DCTN6: variants seen among roughly 807,000 people sequenced by gnomAD.
DCTN6 encodes the protein dynactin subunit 6.
A neutral mutation model predicts 25.8 loss-of-function variants in DCTN6; 15 were observed. The observed-to-expected ratio is 0.58, with a 90% CI of 0.39 to 0.89. DCTN6 has a LOEUF of 0.89. Among genes scored for constraint, DCTN6 ranks in the 40% least tolerant of loss-of-function variants. The probability of loss-of-function intolerance (pLI) is 0.00; values close to 1 mark genes in which losing one functional copy is unlikely to be tolerated. For synonymous variants in DCTN6, 64 were observed against 78.3 expected (o/e 0.82, Z 0.96); for missense variants, 198 against 237.6 (o/e 0.83, Z 1.09).
chr8:30,171,335 G>A (rs372894014), intron 2 of DCTN6, among the ~76,000 whole-genome samples: 60 of 151,640 alleles, frequency 4.0e-4, no homozygotes, highest in African/African-American at 1.4e-3. Context: ...CTGTAGCCTC[G>A]AACCCCTGGA....
At chr8:30,174,963 G>A (rs1192216816) in intron 2 of DCTN6, 122 bp from the exon 3 acceptor site, 2 of 833,948 alleles carry the variant, frequency 2.4e-6, no homozygotes, top group Non-Finnish European at 3.8e-6. Context: ...ACCTAGCTTG[G>A]TGCCTGGCAC....
intron 2 of DCTN6, among the ~76,000 whole-genome samples, chr8:30,170,173 CA>C (rs1265818844): frequency 0.016 from 1,898 of 116,308 alleles, 32 homozygotes; most frequent in East Asian, 0.071. Flanking sequence ...ACTCTGTATC[CA>C]AAAAAAAAAA....
chr8:30,173,231 A>G (rs1201404734), intron 2 of DCTN6, among the ~76,000 whole-genome samples: 3 of 152,210 alleles, frequency 2.0e-5, no homozygotes, highest in Non-Finnish European at 4.4e-5. Flanking sequence ...AGGAAAAACA[A>G]TAGGCATTCC....
intron 2 of DCTN6, among the ~76,000 whole-genome samples, chr8:30,165,405 A>G (rs1231305416): frequency 6.6e-6 from 1 of 151,868 alleles, no homozygotes; most frequent in East Asian, 1.9e-4. Context: ...CAGAGAGGAA[A>G]TACACTTTAT....
At chr8:30,163,555 C>T (rs548137632) in intron 1 of DCTN6, among the ~76,000 whole-genome samples, 26 of 152,210 alleles carry the variant, frequency 1.7e-4, no homozygotes, top group African/African-American at 5.8e-4. Context: ...TGTTTAGAAA[C>T]GTGCTGCTAT....
chr8:30,164,334 A>G (rs563583037), intron 2 of DCTN6, among the ~76,000 whole-genome samples, 159 bp downstream of exon 2: 1 of 152,324 alleles, frequency 6.6e-6, no homozygotes, highest in South Asian at 2.1e-4. Flanking sequence ...TTTCTGAAAG[A>G]ATGTAGTGTG....
intron 2 of DCTN6, among the ~76,000 whole-genome samples, chr8:30,172,450 A>G (rs1170359974): frequency 9.2e-6 from 1 of 108,758 alleles, no homozygotes; most frequent in Non-Finnish European, 2.2e-5. Context: ...AGTGATATTT[A>G]CAAATTTTTT....
chr8:30,175,572 CT>C, intron 3 of DCTN6, among the ~76,000 whole-genome samples: 1 of 147,532 alleles, frequency 6.8e-6, no homozygotes, highest in Admixed American at 7.1e-5. Context: ...AATGTTATTA[CT>C]CATGCCTAAA....
chr8:30,167,477 C>G (rs1049930688), intron 2 of DCTN6, among the ~76,000 whole-genome samples: 1 of 152,132 alleles, frequency 6.6e-6, no homozygotes, highest in Non-Finnish European at 1.5e-5. Flanking sequence ...TCCCAAGTAG[C>G]TAGGTCTACA....
chr8:30,176,991 G>T (rs1803844203), intron 3 of DCTN6, 135 bp from the exon 4 acceptor site: 1 of 624,038 alleles, frequency 1.6e-6, no homozygotes, highest in Non-Finnish European at 2.8e-6. Flanking sequence ...AAGAAAAAAA[G>T]AAATAACTTA....
chr8:30,182,947 C>G (rs1803929586), intron 6 of DCTN6, 128 bp from the exon 7 acceptor site: 2 of 701,634 alleles, frequency 2.9e-6, no homozygotes, highest in African/African-American at 1.8e-5. Context: ...CTCCTGAGCT[C>G]AAATCATCCT....
intron 4 of DCTN6, 24 bp from the exon 5 acceptor site, chr8:30,179,384 T>C (rs1266079801): frequency 6.3e-7 from 1 of 1,597,972 alleles, no homozygotes; most frequent in Admixed American, 1.7e-5. Flanking sequence ...ATATTTGTAG[T>C]ATTTACCTAA....
chr8:30,179,169 G>A (rs1803882230), intron 4 of DCTN6, among the ~76,000 whole-genome samples: 1 of 152,074 alleles, frequency 6.6e-6, no homozygotes, highest in South Asian at 2.1e-4. Flanking sequence ...CATAAAATCA[G>A]GGTATAAGGT....
chr8:30,160,364 TGAA>T (rs1193757222), intron 1 of DCTN6, among the ~76,000 whole-genome samples: 1 of 152,242 alleles, frequency 6.6e-6, no homozygotes, highest in African/African-American at 2.4e-5. Flanking sequence ...TGCCACCATG[TGAA>T]GAAGGACGTG....
At chr8:30,173,598 C>T (rs1278945880) in intron 2 of DCTN6, among the ~76,000 whole-genome samples, 1 of 151,942 alleles carries the variant, frequency 6.6e-6, no homozygotes, top group Non-Finnish European at 1.5e-5. Flanking sequence ...GATGTGGTGG[C>T]ATGTGCCTGT....
Position 30,158,432 on chromosome 8 carries a change from G to A in DCTN6, c.23+2026G>A, listed in dbSNP as rs189785553. 4.1e-4 allele frequency among the ~76,000 whole-genome samples: 63 copies of A among 152,232 alleles called. 2 individuals are homozygous for A. Among genetic ancestry groups the A allele is most frequent in the Middle Eastern group, 6.8e-3 (2 of 294 alleles). On this transcript the variant is annotated intron_variant, in intron 1 of 6. Coordinates refer to ENST00000221114, the MANE Select transcript of DCTN6 (RefSeq NM_006571.4). ...CATTTACAGCTGGTGATACATTCAAGGACAGTGTCGCTCATTTATCATGGA... is the reference window on the plus strand; with the variant it reads ...CATTTACAGCTGGTGATACATTCAAAGACAGTGTCGCTCATTTATCATGGA...
intron 6 of DCTN6, 62 bp downstream of exon 6, chr8:30,180,692 T>C (rs1014109029): frequency 1.1e-5 from 18 of 1,574,314 alleles, no homozygotes; most frequent in Non-Finnish European, 1.6e-5. Flanking sequence ...ACAATGTAAT[T>C]GTCTTCATGA....
At chr8:30,173,539 A>C (rs1803790610) in intron 2 of DCTN6, among the ~76,000 whole-genome samples, 2 of 151,998 alleles carry the variant, frequency 1.3e-5, no homozygotes. Context: ...CCAAGTGTTC[A>C]AGACAAGCCT....
intron 2 of DCTN6, among the ~76,000 whole-genome samples, chr8:30,174,299 A>G (rs1803802388): frequency 6.6e-6 from 1 of 151,660 alleles, no homozygotes; most frequent in African/African-American, 2.4e-5. Flanking sequence ...TAGATCCCAT[A>G]ATTTCTGACT....
Sources: gnomAD v4.1 joint callset for allele counts (sites outside exome capture counted in the v4.1 genomes callset) on GRCh38, gnomAD v4.1.1 for gene constraint, MANE v1.5 for transcripts, NCBI Gene and HGNC (gene_info 2026-07-23, HGNC 2026-07-21) for gene names.